Variants in TSC2 observed in about 807,000 individuals in gnomAD.
TSC2 encodes tuberin.
Under a neutral mutation model 202.2 loss-of-function variants are expected in TSC2, and 29 were observed. The ratio of observed to expected loss-of-function variants is 0.14; its 90% CI spans 0.11 to 0.20. TSC2 has a LOEUF of 0.20. TSC2 is among the 10% of genes least tolerant of loss of function. TSC2 has a pLI of 1.00. For missense variants in TSC2, 2,429 were observed against 2,420.0 expected, an observed-to-expected ratio of 1.00 and a Z score of -0.08; for synonymous variants, 1,349 against 1,044.0, an observed-to-expected ratio of 1.29 and a Z score of -5.63.
At position 2,072,987 on chromosome 16, in the gene TSC2, G is replaced by A. The variant is rs375935312; in HGVS notation, c.2355+4G>A. 6.2e-7 allele frequency: 1 copy of A among 1,613,374 alleles called. No individual in the cohort carries two copies. The highest frequency in any genetic ancestry group is 8.5e-7 in the Non-Finnish European group (1 of 1,180,014). ...CTACCTGGACAAAACCAAACAGGTA[G>A]GAGGTCAGAGCAGGACAGGCGAGCT... On this transcript the variant is annotated splice_donor_region_variant and intron_variant, in intron 21 of 41. Coordinates refer to ENST00000219476, the MANE Select transcript of TSC2 (RefSeq NM_000548.5).
At position 2,074,261 on chromosome 16, in the gene TSC2, T is replaced by C. The variant is rs1285249923; in HGVS notation, c.2417T>C (p.Val806Ala). The part of the protein sequence containing the change: ...LIHRCASQCV[V>A]ALSICSVEMP... The stretch of plus-strand genomic sequence containing the variant: ...CACCGCTGTGCCAGCCAGTGCGTCG[T>C]GGCCTTGTCCATCTGCAGCGTGGAG... Residue 806 changes from valine to alanine, a missense_variant, in exon 22 of 42, where the codon GTG becomes GCG. Coordinates refer to ENST00000219476, the MANE Select transcript of TSC2 (RefSeq NM_000548.5). 2.5e-6 allele frequency: 4 copies of C among 1,613,024 alleles called. No homozygotes were observed. The Admixed American group carries it at 5.0e-5, about 20-fold the overall frequency.
chr16:2,056,962 C>T, intron 8 of TSC2, 143 bp from the exon 9 acceptor site: 1 of 1,364,360 alleles, frequency 7.3e-7, no homozygotes, highest in Non-Finnish European at 1.0e-6. Flanking sequence ...AACCCTGCTG[C>T]CTCTGTCTTT....
chr16:2,080,470 G>C, intron 30 of TSC2, 93 bp downstream of exon 30: 1 of 1,452,234 alleles, frequency 6.9e-7, no homozygotes, highest in Non-Finnish European at 9.4e-7. Context: ...GGCCCTCTTG[G>C]GATATTTGGG....
chr16:2,078,582 C>A lies in TSC2; in HGVS notation c.2967-450C>A, dbSNP rs2089715519. 1.8e-5 allele frequency: 5 copies of A among 281,372 alleles called. No homozygotes were observed. In the South Asian group the frequency reaches 1.9e-4, roughly 11 times the overall value. 17.4% of individuals were successfully genotyped at this position (281,372 alleles called of 1,614,324 possible). On this transcript the variant is annotated intron_variant, in intron 26 of 41. Coordinates refer to ENST00000219476, the MANE Select transcript of TSC2 (RefSeq NM_000548.5). ...CTCTTCCCTGTCACTGGGTGTGGAG[C>A]TCAGGCAGCCGCTCGCCTGCCTGAG...
rs1354487874 is a variant in TSC2 at position 2,088,875 on chromosome 16, G to GCA, written c.*266_*267insAC. 2.0e-5 allele frequency: 10 copies of GCA among 487,886 alleles called. No individual in the cohort carries two copies. Among genetic ancestry groups the GCA allele is most frequent in the Non-Finnish European group, 2.9e-5 (8 of 277,076 alleles). 30.2% of individuals were successfully genotyped at this position (487,886 alleles called of 1,614,324 possible). A position where few individuals can be genotyped will look rare whatever the true frequency, so the allele number is the denominator to read the frequency against. On this transcript the variant is annotated 3_prime_UTR_variant, in exon 42 of 42. Transcript: ENST00000219476. Reference sequence around the variant, plus strand: ...GGCCATACAGCACACTCGCGCGTGCGCGCGCGCACACACACACACACACAG... The same window carrying GCA: ...GGCCATACAGCACACTCGCGCGTGCGCACGCGCGCACACACACACACACACAG...
chr16:2,080,642 C>T (rs569317255), intron 30 of TSC2: 16 of 480,184 alleles, frequency 3.3e-5, no homozygotes, highest in South Asian at 3.3e-4. Flanking sequence ...CGCCACCACG[C>T]CTGGCCAATT....
rs1163685077 is a variant in TSC2 at position 2,088,983 on chromosome 16, C to A, written c.*373C>A. ...CTGGGGTCCTCTGACATGCCTAGTCCTGCTACTTGCCCAGACCTGATGCCA... is the reference window on the plus strand; with the variant it reads ...CTGGGGTCCTCTGACATGCCTAGTCATGCTACTTGCCCAGACCTGATGCCA... On this transcript the variant is annotated 3_prime_UTR_variant, in exon 42 of 42. Coordinates refer to ENST00000219476, the MANE Select transcript of TSC2 (RefSeq NM_000548.5). The A allele has an allele frequency of 3.4e-6, 1 of 295,188 alleles. No individual in the cohort carries two copies. Among genetic ancestry groups the A allele is most frequent in the Non-Finnish European group, 6.5e-6 (1 of 153,104 alleles). 18.3% of individuals were successfully genotyped at this position (295,188 alleles called of 1,614,324 possible). A position where few individuals can be genotyped will look rare whatever the true frequency, so the allele number is the denominator to read the frequency against.
Position 2,054,541 on chromosome 16 carries a change from A to T in TSC2, c.481+101A>T, listed in dbSNP as rs2085531634. 6 of 1,567,260 alleles carry T rather than the reference A, an allele frequency of 3.8e-6. No individual in the cohort carries two copies. The African/African-American group carries it at 8.1e-5, about 21-fold the overall frequency. ...TGGGGAGGGGCTGCCGTTCTCAGGGATGGCCTGCAGCGGGTATGCCCACCC... is the reference window on the plus strand; with the variant it reads ...TGGGGAGGGGCTGCCGTTCTCAGGGTTGGCCTGCAGCGGGTATGCCCACCC... On this transcript the variant is annotated intron_variant, in intron 5 of 41. Transcript: ENST00000219476.
chr16:2,072,463 G>C (rs1252286490), intron 20 of TSC2, 100 bp downstream of exon 20: 1 of 1,538,540 alleles, frequency 6.5e-7, no homozygotes. Context: ...CTTCGGGCTC[G>C]GGCTCCATTT....
intron 14 of TSC2, 146 bp from the exon 15 acceptor site, chr16:2,064,126 C>T (rs1007738028): frequency 4.4e-5 from 58 of 1,317,734 alleles, no homozygotes; most frequent in South Asian, 1.1e-4. Context: ...TCGCGCTCAG[C>T]GGGTGCTTGT....
intron 16 of TSC2, among the ~76,000 whole-genome samples, chr16:2,067,015 A>G (rs1156594573): frequency 6.6e-6 from 1 of 152,056 alleles, no homozygotes; most frequent in African/African-American, 2.4e-5. Flanking sequence ...TGTCAGTGTC[A>G]GTATCGTGTA....
chr16:2,074,113 C>T (rs2088895922), intron 21 of TSC2, 87 bp from the exon 22 acceptor site: 5 of 1,559,688 alleles, frequency 3.2e-6, no homozygotes, highest in Non-Finnish European at 4.4e-6. Context: ...GGCTGTTCTC[C>T]CGGTGGAGCA....
At chr16:2,063,080 G>T (rs762832300) in intron 14 of TSC2, 27 bp downstream of exon 14, 4 of 1,550,988 alleles carry the variant, frequency 2.6e-6, no homozygotes, top group Non-Finnish European at 2.6e-6. Context: ...CCGCAGCTGG[G>T]GGCTCAGGGC....
Position 2,076,243 on chromosome 16 carries a change from C to T in TSC2, c.2742+73C>T, listed in dbSNP as rs767157036. On this transcript the variant is annotated intron_variant, in intron 24 of 41. Transcript: ENST00000219476. ...TGCTTTGCCCTTGGCTGTCCATGGT[C>T]GGGCAGAGTGACAGGCAGGTGGAGG... is the stretch of plus-strand genomic sequence containing the variant. 2.7e-5 allele frequency: 43 copies of T among 1,601,416 alleles called. 1 individual carries two copies. In the Admixed American group the frequency reaches 3.4e-4, roughly 13 times the overall value.
chr16:2,050,197 TCCAC>T, intron 2 of TSC2, among the ~76,000 whole-genome samples, 199 bp from the exon 3 acceptor site: 1 of 152,116 alleles, frequency 6.6e-6, no homozygotes, highest in Non-Finnish European at 1.5e-5. Context: ...CCTCTGGTGA[TCCAC>T]CTGCCTTGGC....
chr16:2,052,674 A>G (rs1354467569), intron 3 of TSC2, among the ~76,000 whole-genome samples: 1 of 152,142 alleles, frequency 6.6e-6, no homozygotes, highest in Non-Finnish European at 1.5e-5. Flanking sequence ...TGTGGTCTGA[A>G]AGCCGTGGCT....
In TSC2 at chr16:2,076,141, C is replaced by T. The variant is rs45517258; in HGVS notation, c.2713C>T (p.Arg905Trp). 6.2e-7 allele frequency: 1 copy of T among 1,613,820 alleles called. No individual in the cohort carries two copies. The highest frequency in any genetic ancestry group is 8.5e-7 in the Non-Finnish European group (1 of 1,180,030). ...MWFIRCRLPFRKDFVPFITKG... is the reference protein window; with the variant it reads ...MWFIRCRLPFWKDFVPFITKG... ...GTTCATCAGGTGCCGCCTGCCCTTC[C>T]GGAAGGATTTTGTCCCTTTCATCAC... The change falls in exon 24 of 42, where the codon CGG becomes TGG. Residue 905 changes from arginine to tryptophan, a missense_variant. Transcript: ENST00000219476.
chr16:2,071,695 C>G (rs749363996), intron 18 of TSC2, 79 bp downstream of exon 18: 4 of 1,600,542 alleles, frequency 2.5e-6, no homozygotes, highest in Admixed American at 3.5e-5. Flanking sequence ...GTTTGCATGT[C>G]TGAGGGATGT....
chr16:2,081,963 G>A lies in TSC2; in HGVS notation c.3814+165G>A, dbSNP rs181482794. On this transcript the variant is annotated intron_variant, in intron 31 of 41. Coordinates refer to ENST00000219476, the MANE Select transcript of TSC2 (RefSeq NM_000548.5). ...CCGGTGTTTGGGAGGAGGCTGACCC[G>A]TGGGAGGTGTCTGCCCTGCTCAGGA... 4.4e-5 allele frequency: 45 copies of A among 1,012,418 alleles called. No homozygotes were observed. The African/African-American group carries it at 5.4e-4, about 12-fold the overall frequency. 62.7% of individuals were successfully genotyped at this position (1,012,418 alleles called of 1,614,324 possible). A position where few individuals can be genotyped will look rare whatever the true frequency, so the allele number is the denominator to read the frequency against.
Sources: gnomAD v4.1 joint callset for allele counts (sites outside exome capture counted in the v4.1 genomes callset) on GRCh38, gnomAD v4.1.1 for gene constraint, MANE v1.5 for transcripts, NCBI Gene and HGNC (gene_info 2026-07-23, HGNC 2026-07-21) for gene names.